Variants in RPL5 observed in about 807,000 individuals in gnomAD.
RPL5 encodes the protein large ribosomal subunit protein uL18.
A neutral mutation model predicts 38.4 loss-of-function variants in RPL5; 1 was observed. The ratio of observed to expected loss-of-function variants is 0.03; its 90% CI spans 0.01 to 0.12. The LOEUF is 0.12. RPL5 is among the 10% of genes least tolerant of loss of function. RPL5 has a pLI of 1.00. For synonymous variants in RPL5, 109 were observed against 121.2 expected, an observed-to-expected ratio of 0.90 and a Z score of 0.66; for missense variants, 243 against 374.1, an observed-to-expected ratio of 0.65 and a Z score of 2.89.
rs183472088 is a variant in RPL5 at position 92,840,743 on chromosome 1, C to T, written c.794+104C>T. 865 of 856,912 alleles carry T rather than the reference C, an allele frequency of 1.0e-3. 6 individuals are homozygous for T. Among genetic ancestry groups the T allele is most frequent in the Non-Finnish European group, 4.3e-4 (218 of 505,378 alleles). 53.1% of individuals were successfully genotyped at this position (856,912 alleles called of 1,614,324 possible). On this transcript the variant is annotated intron_variant, in intron 7 of 7. Coordinates refer to ENST00000370321, the MANE Select transcript of RPL5 (RefSeq NM_000969.5). ...TGTGCAAACTCGATCACTAGCTCTGCGTGATGTGGCAGAAGCGAAGGGAAC... is the reference window on the plus strand; with the variant it reads ...TGTGCAAACTCGATCACTAGCTCTGTGTGATGTGGCAGAAGCGAAGGGAAC...
chr1:92,836,286 G>A lies in RPL5; in HGVS notation c.421G>A (p.Ala141Thr). 1.2e-6 allele frequency: 2 copies of A among 1,614,166 alleles called. No homozygotes were observed. The highest frequency in any genetic ancestry group is 2.2e-5 in the South Asian group (2 of 91,076). Reference protein sequence around the residue: ...NVESIDGQPGAFTCYLDAGLA... With the variant: ...NVESIDGQPGTFTCYLDAGLA... Reference sequence around the variant, plus strand: ...GGAAAGCATTGATGGTCAGCCAGGTGCCTTCACCTGCTATTTGGATGCAGG... The same window carrying A: ...GGAAAGCATTGATGGTCAGCCAGGTACCTTCACCTGCTATTTGGATGCAGG... The change falls in exon 5 of 8, where the codon GCC (alanine) becomes ACC (threonine). Residue 141 changes from alanine to threonine, a missense_variant. Transcript: ENST00000370321.
chr1:92,840,147 G>A (rs1687293725), intron 6 of RPL5: 1 of 251,502 alleles, frequency 4.0e-6, no homozygotes, highest in Admixed American at 5.2e-5. Flanking sequence ...GGGACTACAG[G>A]TGCATGCCAC....
chr1:92,836,498 C>A, intron 5 of RPL5, 106 bp downstream of exon 5: 1 of 990,684 alleles, frequency 1.0e-6, no homozygotes, highest in South Asian at 1.3e-5. Context: ...CAATTGAATG[C>A]CTGCTGTATG....
chr1:92,835,660 C>CAAAAAA (rs11417383), intron 4 of RPL5, among the ~76,000 whole-genome samples: 1 of 123,400 alleles, frequency 8.1e-6, no homozygotes, highest in South Asian at 2.7e-4. Flanking sequence ...AACTGTGTCT[C>CAAAAAA]AAAAAAAAAA....
chr1:92,834,630 T>A, intron 3 of RPL5, 149 bp from the exon 4 acceptor site: 1 of 1,022,330 alleles, frequency 9.8e-7, no homozygotes, highest in Non-Finnish European at 1.5e-6. Flanking sequence ...GCACCTCTAA[T>A]TTACTGGTAA....
intron 6 of RPL5, chr1:92,837,885 T>C: frequency 2.0e-6 from 1 of 511,026 alleles, no homozygotes; most frequent in Non-Finnish European, 3.5e-6. Context: ...AGTTGTAATC[T>C]GCTTTGTTGG....
rs1338753229 is a variant in RPL5, at chr1:92,832,089, G to A, written c.-26G>A. The A allele has an allele frequency of 6.2e-7, 1 of 1,614,008 alleles. No homozygotes were observed. ...TGGGCCTGCAGGTCTCTGTCGAGCA[G>A]CGGACGCCGGTCTCTGTTCCGCAGG... On this transcript the variant is annotated 5_prime_UTR_variant, in exon 1 of 8. Transcript: ENST00000370321.
intron 7 of RPL5, 90 bp from the exon 8 acceptor site, chr1:92,841,676 T>TATCA (rs1571040500): frequency 1.3e-6 from 1 of 775,680 alleles, no homozygotes; most frequent in East Asian, 3.3e-5. Context: ...AAATATTCTC[T>TATCA]ATCAAAATTA....
chr1:92,837,495 A>C lies in RPL5; in HGVS notation c.567A>C (p.Glu189Asp), dbSNP rs965247191. Residue 189 changes from glutamate (E) to aspartate (D), a missense_variant, in exon 6 of 8, where the codon GAA (glutamate) becomes GAC (aspartate). Transcript: ENST00000370321. ...CTGGTTATGATTCTGAAAGCAAGGA[A>C]TTTAATGCAGAAGTACATCGGAAGC... ...RFPGYDSESKEFNAEVHRKHI... is the reference protein window; with the variant it reads ...RFPGYDSESKDFNAEVHRKHI... The C allele has an allele frequency of 4.3e-6, 7 of 1,613,012 alleles. No individual in the cohort carries two copies. Among genetic ancestry groups the C allele is most frequent in the Non-Finnish European group, 5.1e-6 (6 of 1,179,992 alleles).
Position 92,840,611 on chromosome 1 carries a change from A to C in RPL5, c.766A>C (p.Lys256Gln), listed in dbSNP as rs1416015237. 3 of 1,611,242 alleles carry C rather than the reference A, an allele frequency of 1.9e-6. No individual in the cohort carries two copies. Among genetic ancestry groups the C allele is most frequent in the Non-Finnish European group, 1.7e-6 (2 of 1,179,828 alleles). Residue 256 changes from lysine to glutamine, a missense_variant, in exon 7 of 8, where the codon AAG becomes CAG. Lys to Gln is a moderately conservative substitution (Grantham distance 53). Coordinates refer to ENST00000370321, the MANE Select transcript of RPL5 (RefSeq NM_000969.5). The part of the protein sequence containing the change: ...AIRENPVYEK[K>Q]PKKEVKKKRW... Reference sequence around the variant, plus strand: ...ACGAGAGAATCCAGTCTATGAAAAGAAGCCCAAGAAAGAAGTTAAAAAGAA... The same window carrying C: ...ACGAGAGAATCCAGTCTATGAAAAGCAGCCCAAGAAAGAAGTTAAAAAGAA...
intron 7 of RPL5, among the ~76,000 whole-genome samples, 153 bp from the exon 8 acceptor site, chr1:92,841,613 A>C (rs890352196): frequency 3.3e-5 from 5 of 152,240 alleles, no homozygotes; most frequent in Admixed American, 3.3e-4. Flanking sequence ...AAGATCATAC[A>C]TAAGTAAATG....
upstream of RPL5, chr1:92,832,032 G>A (rs927080395): frequency 3.6e-5 from 57 of 1,598,482 alleles, no homozygotes; most frequent in South Asian, 1.9e-4. Context: ...CTGCGCAAGG[G>A]CTGTGGCCCT....
At position 92,838,967 on chromosome 1, in the gene RPL5, G is replaced by C. The variant is rs185552360; in HGVS notation, c.705+1334G>C. Among the ~76,000 whole-genome samples, 20 of 150,824 alleles carry C rather than the reference G, an allele frequency of 1.3e-4. No individual in the cohort carries two copies. The East Asian group carries it at 3.7e-3, about 28-fold the overall frequency. ...TCCACATTGATTGAATAATTTTAGA[G>C]ACCTGGATTACTGTGACATAGTCTG... On this transcript the variant is annotated intron_variant, in intron 6 of 7. Transcript: ENST00000370321.
At chr1:92,834,445 GC>G (rs1687038172) in intron 3 of RPL5, among the ~76,000 whole-genome samples, 1 of 152,154 alleles carries the variant, frequency 6.6e-6, no homozygotes, top group African/African-American at 2.4e-5. Context: ...ATATTTTGCA[GC>G]AGGTAGGCAC....
Position 92,837,605 on chromosome 1 carries a change from A to G in RPL5, c.677A>G (p.Tyr226Cys), listed in dbSNP as rs755553750. 1.2e-6 allele frequency: 2 copies of G among 1,612,168 alleles called. No individual in the cohort carries two copies. The highest frequency in any genetic ancestry group is 2.2e-5 in the South Asian group (2 of 90,992). ...EDAYKKQFSQ[Y>C]IKNSVTPDMM... is the part of the protein sequence containing the mutation. ...GCTTACAAGAAACAGTTCTCTCAAT[A>G]CATAAAGAACAGCGTAACTCCAGAC... The change falls in exon 6 of 8, where the codon TAC (tyrosine) becomes TGC (cysteine). Residue 226 changes from tyrosine to cysteine, a missense_variant. Physicochemically the swap from Tyr to Cys is radical, Grantham distance 194 (BLOSUM62 -2). Coordinates refer to ENST00000370321, the MANE Select transcript of RPL5 (RefSeq NM_000969.5).
chr1:92,837,307 A>C, intron 5 of RPL5, 149 bp from the exon 6 acceptor site: 1 of 789,314 alleles, frequency 1.3e-6, no homozygotes, highest in Non-Finnish European at 2.3e-6. Flanking sequence ...ATGATATCCC[A>C]CTAACTGAGC....
intron 6 of RPL5, chr1:92,837,877 T>G (rs1200952687): frequency 9.6e-6 from 5 of 521,026 alleles, no homozygotes. Context: ...GTAATCATAG[T>G]TGTAATCTGC....
rs912779029 is a variant in RPL5, at chr1:92,833,632, G to A, written c.161G>A (p.Arg54His). The A allele has an allele frequency of 1.9e-6, 3 of 1,611,786 alleles. No homozygotes were observed. Among genetic ancestry groups the A allele is most frequent in the Admixed American group, 1.7e-5 (1 of 59,998 alleles). ...ACACCCAAATACAGGATGATAGTTC[G>A]TGTGACAAACAGAGATATCATTTGT... Reference protein sequence around the residue: ...YNTPKYRMIVRVTNRDIICQI... With the variant: ...YNTPKYRMIVHVTNRDIICQI... The change falls in exon 3 of 8, where the codon CGT becomes CAT. Residue 54 changes from arginine (R) to histidine (H), a missense_variant. By Grantham distance (29) the Arg-to-His change is conservative. Coordinates refer to ENST00000370321, the MANE Select transcript of RPL5 (RefSeq NM_000969.5).
At chr1:92,835,641 CA>C (rs1687089188) in intron 4 of RPL5, among the ~76,000 whole-genome samples, 1 of 107,238 alleles carries the variant, frequency 9.3e-6, no homozygotes, top group Non-Finnish European at 1.8e-5. Context: ...GCCTGGGCAA[CA>C]AGAGCGAAAC....
Sources: gnomAD v4.1 joint callset for allele counts (sites outside exome capture counted in the v4.1 genomes callset) on GRCh38, gnomAD v4.1.1 for gene constraint, MANE v1.5 for transcripts, NCBI Gene and HGNC (gene_info 2026-07-23, HGNC 2026-07-21) for gene names.